The following PFKFB3 variants were observed in gnomAD, a reference collection of about 807,000 sequenced individuals.
PFKFB3 encodes the protein 6-phosphofructo-2-kinase/fructose-2,6-biphosphatase 3.
In PFKFB3, 33 loss-of-function variants were observed where a neutral mutation model predicts 68.0. The ratio of observed to expected loss-of-function variants is 0.49; its 90% CI spans 0.37 to 0.65. The LOEUF (loss-of-function observed/expected upper bound fraction) is 0.65. Among genes scored for constraint, PFKFB3 ranks in the 30% least tolerant of loss-of-function variants. The pLI is 0.00. For synonymous variants in PFKFB3, 315 were observed against 288.2 expected, an observed-to-expected ratio of 1.09 and a Z score of -0.94; for missense variants, 586 against 712.2, an observed-to-expected ratio of 0.82 and a Z score of 2.02.
At chr10:6,258,586 A>C (rs1182535450), downstream of PFKFB3, among the ~76,000 whole-genome samples, 1 of 152,176 alleles carries the variant, frequency 6.6e-6, no homozygotes, top group Non-Finnish European at 1.5e-5. Flanking sequence ...AGTGGTCCTC[A>C]TTTTGGATGA....
At chr10:6,212,857 A>G (rs1475866391) in intron 1 of PFKFB3, among the ~76,000 whole-genome samples, 1 of 152,056 alleles carries the variant, frequency 6.6e-6, no homozygotes, top group Non-Finnish European at 1.5e-5. Context: ...AACTCTGCCC[A>G]TACCTCTGTG....
Position 6,203,294 on chromosome 10 carries a change from A to G in PFKFB3, c.34A>G (p.Lys12Glu). ...GGAACTGACGCAGAGCCGAGTGCAGAAGATCTGGGTGCCCGTGGACCACAG... is the reference window on the plus strand; with the variant it reads ...GGAACTGACGCAGAGCCGAGTGCAGGAGATCTGGGTGCCCGTGGACCACAG... ...PLELTQSRVQ[K>E]IWVPVDHRPS... Residue 12 changes from lysine (K) to glutamate (E), a missense_variant, in exon 1 of 15, where the codon AAG (lysine) becomes GAG (glutamate). Coordinates refer to ENST00000379775, the MANE Select transcript of PFKFB3 (RefSeq NM_004566.4). 1.2e-6 allele frequency: 2 copies of G among 1,611,042 alleles called. No individual in the cohort carries two copies. Among genetic ancestry groups the G allele is most frequent in the Non-Finnish European group, 1.7e-6 (2 of 1,178,744 alleles).
chr10:6,167,967 T>C (rs1842191550), intron 1 of PFKFB3, among the ~76,000 whole-genome samples: 1 of 152,240 alleles, frequency 6.6e-6, no homozygotes, highest in Non-Finnish European at 1.5e-5. Context: ...TGCTTTTTTC[T>C]AGGTCACATC....
the PFKFB3 span, among the ~76,000 whole-genome samples, chr10:6,273,002 CTTTTT>C: frequency 2.7e-5 from 2 of 74,134 alleles, no homozygotes; most frequent in African/African-American, 8.9e-5. Context: ...AGATTGCAGG[CTTTTT>C]TTTTTTTTTT....
chr10:6,303,848 G>A, the PFKFB3 span, among the ~76,000 whole-genome samples: 13 of 150,606 alleles, frequency 8.6e-5, no homozygotes, highest in African/African-American at 9.7e-5. Context: ...TGAAAAATAA[G>A]TGTTGATAGT....
intron 1 of PFKFB3, among the ~76,000 whole-genome samples, chr10:6,177,151 G>C (rs76107379): frequency 0.011 from 1,628 of 152,324 alleles, 68 homozygotes; most frequent in East Asian, 0.1. Flanking sequence ...CTGTGTGGCA[G>C]ATTCCTTAGC....
At chr10:6,219,750 C>G in intron 7 of PFKFB3, 57 bp downstream of exon 7, 1 of 1,572,686 alleles carries the variant, frequency 6.4e-7, no homozygotes, top group Non-Finnish European at 8.7e-7. Flanking sequence ...TTACTGAATT[C>G]TTGATGTTCC....
At chr10:6,221,568 A>G (rs1169698106) in intron 9 of PFKFB3, 41 bp downstream of exon 9, 5 of 1,612,060 alleles carry the variant, frequency 3.1e-6, no homozygotes, top group Admixed American at 3.3e-5. Context: ...ACCCTCGGGC[A>G]TGGGGCGGCT....
intron 1 of PFKFB3, among the ~76,000 whole-genome samples, chr10:6,156,499 A>G (rs1841799845): frequency 6.7e-6 from 1 of 149,754 alleles, no homozygotes. Flanking sequence ...TAATTAATTA[A>G]TTAATTACTT....
At chr10:6,224,855 T>C (rs1322016478) in intron 13 of PFKFB3, among the ~76,000 whole-genome samples, 1 of 152,106 alleles carries the variant, frequency 6.6e-6, no homozygotes, top group East Asian at 1.9e-4. Flanking sequence ...AAACCAGTGC[T>C]TTCAGTTTCC....
intron 14 of PFKFB3, among the ~76,000 whole-genome samples, chr10:6,246,012 CTCT>C (rs1205270084): frequency 1.3e-5 from 2 of 152,216 alleles, no homozygotes; most frequent in Non-Finnish European, 2.9e-5. Context: ...AAGCCGCCTC[CTCT>C]TCCTTCTTCT....
At chr10:6,312,339 G>A in the PFKFB3 span, among the ~76,000 whole-genome samples, 1 of 151,920 alleles carries the variant, frequency 6.6e-6, no homozygotes, top group South Asian at 2.1e-4. Context: ...GTTTTTGCCT[G>A]GGCTCTTTCT....
the PFKFB3 span, chr10:6,294,109 T>C: frequency 2.0e-6 from 1 of 495,298 alleles, no homozygotes; most frequent in Non-Finnish European, 4.1e-6. Flanking sequence ...CCAGAAACCA[T>C]GGTCATATTT....
intron 10 of PFKFB3, among the ~76,000 whole-genome samples, chr10:6,222,139 C>G (rs933342505): frequency 5.9e-5 from 9 of 152,064 alleles, no homozygotes; most frequent in Non-Finnish European, 8.8e-5. Flanking sequence ...ATGGGATCCT[C>G]CTGGGCCTGG....
chr10:6,146,396 G>C, intron 1 of PFKFB3: 1 of 1,535,604 alleles, frequency 6.5e-7, no homozygotes, highest in Non-Finnish European at 8.7e-7. Flanking sequence ...AGGGTGGCCA[G>C]AAGGAAGGTG....
the PFKFB3 span, among the ~76,000 whole-genome samples, chr10:6,325,274 T>G: frequency 1.3e-5 from 2 of 152,194 alleles, no homozygotes; most frequent in Non-Finnish European, 2.9e-5. Context: ...TGGCATACAA[T>G]TTTTAAAAAT....
At chr10:6,172,230 G>A (rs568251874) in intron 1 of PFKFB3, among the ~76,000 whole-genome samples, 7 of 152,306 alleles carry the variant, frequency 4.6e-5, no homozygotes, top group African/African-American at 1.7e-4. Context: ...AGCCCACGTC[G>A]GGAGGGCAAG....
At chr10:6,245,018 GA>G (rs1363826409) in intron 14 of PFKFB3, among the ~76,000 whole-genome samples, 3 of 152,344 alleles carry the variant, frequency 2.0e-5, no homozygotes, top group African/African-American at 7.2e-5. Flanking sequence ...TACAGGTGGG[GA>G]AACTGAGGCT....
the PFKFB3 span, among the ~76,000 whole-genome samples, chr10:6,280,842 G>T: frequency 6.6e-6 from 1 of 151,776 alleles, no homozygotes; most frequent in Non-Finnish European, 1.5e-5. Context: ...GGAACAGATG[G>T]TGTTTGGTTA....
Sources: gnomAD v4.1 joint callset for allele counts (sites outside exome capture counted in the v4.1 genomes callset) on GRCh38, gnomAD v4.1.1 for gene constraint, MANE v1.5 for transcripts, NCBI Gene and HGNC (gene_info 2026-07-23, HGNC 2026-07-21) for gene names.